MACROD2: variants seen among roughly 807,000 people sequenced by gnomAD.
The protein encoded by MACROD2 is mono-ADP ribosylhydrolase 2.
MACROD2 carries 36 observed loss-of-function variants against 70.4 expected under a neutral mutation model. The ratio of observed to expected loss-of-function variants is 0.51; its 90% CI spans 0.39 to 0.68. MACROD2 has a LOEUF of 0.68. Among genes scored for constraint, MACROD2 ranks in the 30% least tolerant of loss-of-function variants. MACROD2 has a pLI of 0.00. For synonymous variants in MACROD2, 172 were observed against 178.8 expected, an observed-to-expected ratio of 0.96 and a Z score of 0.30; for missense variants, 496 against 538.4, an observed-to-expected ratio of 0.92 and a Z score of 0.78.
intron 10 of MACROD2, among the ~76,000 whole-genome samples, chr20:15,889,638 A>G (rs1010791177): frequency 6.6e-6 from 1 of 152,180 alleles, no homozygotes; most frequent in Non-Finnish European, 1.5e-5. Context: ...AAGTCCTTTA[A>G]TCATCTTCCT....
intron 3 of MACROD2, among the ~76,000 whole-genome samples, chr20:14,279,470 T>C (rs1288608822): frequency 6.6e-6 from 1 of 152,118 alleles, no homozygotes; most frequent in Non-Finnish European, 1.5e-5. Context: ...ATAATAGTCA[T>C]AACAACTTTA....
At chr20:14,406,355 A>G (rs549787757) in intron 3 of MACROD2, among the ~76,000 whole-genome samples, 1 of 152,264 alleles carries the variant, frequency 6.6e-6, no homozygotes, top group East Asian at 1.9e-4. Context: ...TTACATATGG[A>G]AAAGGTCCTG....
At chr20:14,154,508 C>T (rs1323021529) in intron 3 of MACROD2, among the ~76,000 whole-genome samples, 1 of 150,722 alleles carries the variant, frequency 6.6e-6, no homozygotes, top group East Asian at 1.9e-4. Context: ...GCCTCAGCCT[C>T]CCAAGTAGCT....
intron 5 of MACROD2, among the ~76,000 whole-genome samples, chr20:14,979,063 G>A (rs895545190): frequency 6.7e-5 from 10 of 149,930 alleles, no homozygotes; most frequent in African/African-American, 1.5e-4. Context: ...GTGATCCTTC[G>A]GCATCAGCCT....
chr20:15,127,199 A>T (rs892015301), intron 5 of MACROD2, among the ~76,000 whole-genome samples: 3 of 152,114 alleles, frequency 2.0e-5, no homozygotes, highest in African/African-American at 7.2e-5. Flanking sequence ...CAAAGATCCT[A>T]GCCCACCCTT....
chr20:15,158,603 T>C (rs1368299116), intron 5 of MACROD2, among the ~76,000 whole-genome samples: 1 of 152,162 alleles, frequency 6.6e-6, no homozygotes, highest in East Asian at 1.9e-4. Context: ...AATGACATTA[T>C]CTTCAATTTG....
intron 4 of MACROD2, among the ~76,000 whole-genome samples, chr20:14,667,412 A>C (rs2070747582): frequency 6.6e-6 from 1 of 152,214 alleles, no homozygotes; most frequent in African/African-American, 2.4e-5. Flanking sequence ...AATTCTTGCC[A>C]AGTGTTACAT....
At chr20:15,805,100 A>G (rs982517985) in intron 8 of MACROD2, among the ~76,000 whole-genome samples, 4 of 152,140 alleles carry the variant, frequency 2.6e-5, no homozygotes, top group Non-Finnish European at 5.9e-5. Flanking sequence ...CTTCCCAAAT[A>G]AACCATTTAT....
At chr20:15,781,949 G>C (rs1336754576) in intron 8 of MACROD2, among the ~76,000 whole-genome samples, 1 of 152,088 alleles carries the variant, frequency 6.6e-6, no homozygotes, top group Non-Finnish European at 1.5e-5. Context: ...CAATTGATGG[G>C]AAATATGGCT....
At chr20:14,281,311 C>T (rs1040744117) in intron 3 of MACROD2, among the ~76,000 whole-genome samples, 2 of 152,108 alleles carry the variant, frequency 1.3e-5, no homozygotes, top group African/African-American at 4.8e-5. Context: ...TAAAAGAATA[C>T]AGACACAAAA....
chr20:14,064,224 C>T (rs1000312222), intron 2 of MACROD2, among the ~76,000 whole-genome samples: 2 of 152,074 alleles, frequency 1.3e-5, no homozygotes, highest in Non-Finnish European at 2.9e-5. Context: ...CTTTGCCCTT[C>T]CTATAAAGGT....
chr20:14,486,581 G>A (rs372201980), intron 3 of MACROD2, among the ~76,000 whole-genome samples: 5 of 146,534 alleles, frequency 3.4e-5, no homozygotes, highest in Admixed American at 7.1e-5. Flanking sequence ...GTGCAGTGGC[G>A]TGATCTCGGC....
At chr20:14,423,523 C>A (rs937351386) in intron 3 of MACROD2, among the ~76,000 whole-genome samples, 1 of 151,416 alleles carries the variant, frequency 6.6e-6, no homozygotes, top group Non-Finnish European at 1.5e-5. Flanking sequence ...CACGGTGAAA[C>A]CCCGGCTTTA....
At chr20:14,767,854 T>C (rs1429259231) in intron 5 of MACROD2, among the ~76,000 whole-genome samples, 2 of 151,956 alleles carry the variant, frequency 1.3e-5, no homozygotes, top group Admixed American at 1.3e-4. Flanking sequence ...TGTGTTCTAT[T>C]GTTCAACTCC....
At chr20:14,451,477 A>G (rs1419569832) in intron 3 of MACROD2, among the ~76,000 whole-genome samples, 2 of 152,146 alleles carry the variant, frequency 1.3e-5, no homozygotes, top group Non-Finnish European at 2.9e-5. Context: ...TACCCCAAGC[A>G]TGTTACCTCT....
At chr20:15,183,435 A>C (rs1399466032) in intron 5 of MACROD2, among the ~76,000 whole-genome samples, 1 of 152,006 alleles carries the variant, frequency 6.6e-6, no homozygotes, top group African/African-American at 2.4e-5. Context: ...CCTACATGGG[A>C]GGATTGCTTG....
chr20:14,758,547 A>G (rs2071972593), intron 5 of MACROD2, among the ~76,000 whole-genome samples: 1 of 152,126 alleles, frequency 6.6e-6, no homozygotes, highest in African/African-American at 2.4e-5. Context: ...ATTAGTTCAT[A>G]TATTATAACA....
At chr20:14,467,519 G>A (rs1341639883) in intron 3 of MACROD2, among the ~76,000 whole-genome samples, 4 of 152,012 alleles carry the variant, frequency 2.6e-5, no homozygotes, top group East Asian at 1.9e-4. Context: ...TTTGGCTCAC[G>A]CATGGTGCGC....
chr20:15,613,686 A>G (rs2049000429), intron 8 of MACROD2, among the ~76,000 whole-genome samples: 1 of 152,238 alleles, frequency 6.6e-6, no homozygotes, highest in Admixed American at 6.5e-5. Flanking sequence ...GCATAAGGCC[A>G]CTTGGCTGGG....
Sources: gnomAD v4.1 joint callset for allele counts (sites outside exome capture counted in the v4.1 genomes callset) on GRCh38, gnomAD v4.1.1 for gene constraint, MANE v1.5 for transcripts, NCBI Gene and HGNC (gene_info 2026-07-23, HGNC 2026-07-21) for gene names.